Variants in DEPDC1B observed in about 807,000 individuals in gnomAD.
The protein encoded by DEPDC1B is DEP domain-containing protein 1B.
In DEPDC1B, 51 loss-of-function variants were observed where a neutral mutation model predicts 66.5. The ratio of observed to expected loss-of-function variants is 0.77; its 90% CI spans 0.61 to 0.97. DEPDC1B has a LOEUF of 0.97. Among genes scored for constraint, DEPDC1B ranks in the 50% least tolerant of loss-of-function variants. DEPDC1B has a pLI of 0.00. For missense variants in DEPDC1B, 552 were observed against 637.1 expected (o/e 0.87, Z 1.44); for synonymous variants, 226 against 223.6 (o/e 1.01, Z -0.10).
rs968558974 is a variant in DEPDC1B at position 60,616,593 on chromosome 5, A to T, written c.899-10737T>A. Among the ~76,000 whole-genome samples, 6 of 152,232 alleles carry T rather than the reference A, an allele frequency of 3.9e-5. No homozygotes were observed. The South Asian group carries it at 1.2e-3, about 32-fold the overall frequency. On this transcript the variant is annotated intron_variant, in intron 7 of 10. Transcript: ENST00000265036. ...GAAGCGAGAAGTTTACAGAAAAAAG[A>T]ATAAAAAGAAACGAACAAAGCCTCC...
chr5:60,697,860 T>C (rs1382662322), intron 1 of DEPDC1B, among the ~76,000 whole-genome samples: 8 of 152,204 alleles, frequency 5.3e-5, no homozygotes, highest in African/African-American at 1.2e-4. Flanking sequence ...TGAAGACTTC[T>C]AGAGAGCAGA....
intron 2 of DEPDC1B, among the ~76,000 whole-genome samples, chr5:60,662,280 C>G (rs1753733729): frequency 6.6e-6 from 1 of 152,076 alleles, no homozygotes; most frequent in Non-Finnish European, 1.5e-5. Context: ...CCCAGCTACT[C>G]CAGAGGCTGA....
At chr5:60,669,144 T>A (rs898616819) in intron 2 of DEPDC1B, among the ~76,000 whole-genome samples, 1 of 152,156 alleles carries the variant, frequency 6.6e-6, no homozygotes. Context: ...ACCAGAACTA[T>A]CCTCTGGTGA....
In DEPDC1B at chr5:60,603,054, A is replaced by C. The variant is rs568635325; in HGVS notation, c.1242+337T>G. On this transcript the variant is annotated intron_variant, in intron 9 of 10. Coordinates refer to ENST00000265036, the MANE Select transcript of DEPDC1B (RefSeq NM_018369.3). ...TTTTCATGCAAAAAGTGGGAATATT[A>C]AACTAGGTCACAGGGCAATTATGAA... Among the ~76,000 whole-genome samples the C allele has an allele frequency of 2.0e-5, 3 of 152,344 alleles. No homozygotes were observed. In the South Asian group the frequency reaches 6.2e-4, roughly 32 times the overall value.
chr5:60,626,816 T>C (rs1350631105), intron 7 of DEPDC1B, among the ~76,000 whole-genome samples: 1 of 152,032 alleles, frequency 6.6e-6, no homozygotes, highest in Non-Finnish European at 1.5e-5. Context: ...TTGTATAACA[T>C]CCAGAAATAC....
In DEPDC1B at chr5:60,629,359, T is replaced by C. The variant is rs546203068; in HGVS notation, c.898+9391A>G. On this transcript the variant is annotated intron_variant, in intron 7 of 10. Transcript: ENST00000265036. ...GATTTCATTTTCTTAAAATGTATAT[T>C]CAGTGGTGGGATTACTACAGCAAAT... Among the ~76,000 whole-genome samples the C allele has an allele frequency of 3.9e-5, 6 of 152,346 alleles. No individual in the cohort carries two copies. The South Asian group carries it at 1.2e-3, about 32-fold the overall frequency.
At chr5:60,613,508 A>T (rs1665941784) in intron 7 of DEPDC1B, among the ~76,000 whole-genome samples, 1 of 152,234 alleles carries the variant, frequency 6.6e-6, no homozygotes, top group South Asian at 2.1e-4. Flanking sequence ...CTGGAGAAGA[A>T]GATGAACGAA....
intron 6 of DEPDC1B, among the ~76,000 whole-genome samples, chr5:60,640,517 T>G (rs1335085764): frequency 6.6e-6 from 1 of 152,228 alleles, no homozygotes; most frequent in African/African-American, 2.4e-5. Flanking sequence ...TAAATGTTAT[T>G]CCTGACAGAT....
intron 2 of DEPDC1B, among the ~76,000 whole-genome samples, chr5:60,663,693 T>A (rs1455089909): frequency 6.6e-6 from 1 of 152,202 alleles, no homozygotes; most frequent in Non-Finnish European, 1.5e-5. Flanking sequence ...TTGAGCCAGT[T>A]CTCATACTTG....
chr5:60,620,224 G>A (rs1370201675), intron 7 of DEPDC1B, among the ~76,000 whole-genome samples: 1 of 152,100 alleles, frequency 6.6e-6, no homozygotes, highest in East Asian at 1.9e-4. Flanking sequence ...CAGGACATAG[G>A]CATGGGCAAG....
rs1453876140 is a variant in DEPDC1B at position 60,687,042 on chromosome 5, T to C, written c.234A>G (p.Lys78=). ...CTTCAATAACGTGATTCTTCAGGAATTTTTTTAGCAGCTGGACCGTTTGTT... is the reference window on the plus strand; with the variant it reads ...CTTCAATAACGTGATTCTTCAGGAACTTTTTTAGCAGCTGGACCGTTTGTT... ...TRKQTVQLLK[K]FLKNHVIEDI... Residue 78 remains lysine (K), a synonymous_variant, in exon 2 of 11, where the codon AAA becomes AAG. Coordinates refer to ENST00000265036, the MANE Select transcript of DEPDC1B (RefSeq NM_018369.3). 2 of 1,614,106 alleles carry C rather than the reference T, an allele frequency of 1.2e-6. No homozygotes were observed. The highest frequency in any genetic ancestry group is 2.2e-5 in the East Asian group (1 of 44,904).
At chr5:60,617,019 T>C (rs1243148514) in intron 7 of DEPDC1B, among the ~76,000 whole-genome samples, 1 of 152,138 alleles carries the variant, frequency 6.6e-6, no homozygotes, top group Non-Finnish European at 1.5e-5. Flanking sequence ...AACCCAGAAT[T>C]TCATATCCAG....
chr5:60,675,646 TACGG>T (rs1468732286), intron 2 of DEPDC1B, among the ~76,000 whole-genome samples: 9 of 152,244 alleles, frequency 5.9e-5, no homozygotes, highest in Admixed American at 1.3e-4. Context: ...AAACAAAGCT[TACGG>T]ACTACATACA....
chr5:60,621,443 G>A (rs1425148872), intron 7 of DEPDC1B, among the ~76,000 whole-genome samples: 2 of 151,718 alleles, frequency 1.3e-5, no homozygotes, highest in African/African-American at 2.4e-5. Flanking sequence ...CTATCGCAGG[G>A]ACAAAAAACC....
chr5:60,656,742 A>T (rs112166795), intron 2 of DEPDC1B, among the ~76,000 whole-genome samples: 1 of 152,102 alleles, frequency 6.6e-6, no homozygotes, highest in Non-Finnish European at 1.5e-5. Context: ...AAACCATCAG[A>T]TCTCATGAGA....
Position 60,605,867 on chromosome 5 carries a change from A to G in DEPDC1B, c.899-11T>C. ...CCTTCTGTAACAAACCTGATTTAGA[A>G]AAAAAAAAATGTTATCTTTCAACAC... On this transcript the variant is annotated splice_polypyrimidine_tract_variant and intron_variant, in intron 7 of 10. Coordinates refer to ENST00000265036, the MANE Select transcript of DEPDC1B (RefSeq NM_018369.3). 1.3e-6 allele frequency: 2 copies of G among 1,583,150 alleles called. No homozygotes were observed. Among genetic ancestry groups the G allele is most frequent in the Non-Finnish European group, 1.7e-6 (2 of 1,163,386 alleles).
At chr5:60,628,709 C>T (rs549617930) in intron 7 of DEPDC1B, 3 of 152,284 alleles carry the variant, frequency 2.0e-5, no homozygotes, top group South Asian at 4.1e-4. Flanking sequence ...CATCCATGCA[C>T]GTGATGATGC....
At chr5:60,610,272 TG>T (rs1406746262) in intron 7 of DEPDC1B, among the ~76,000 whole-genome samples, 12 of 152,174 alleles carry the variant, frequency 7.9e-5, no homozygotes, top group Admixed American at 7.9e-4. Context: ...AATCAGAAAA[TG>T]GTGTCAATAG....
intron 1 of DEPDC1B, among the ~76,000 whole-genome samples, chr5:60,695,662 T>C (rs1371573693): frequency 4.6e-5 from 7 of 152,224 alleles, no homozygotes; most frequent in African/African-American, 1.4e-4. Flanking sequence ...CACTTCTTGA[T>C]TGTTTCTATC....
Sources: gnomAD v4.1 joint callset for allele counts (sites outside exome capture counted in the v4.1 genomes callset) on GRCh38, gnomAD v4.1.1 for gene constraint, MANE v1.5 for transcripts, NCBI Gene and HGNC (gene_info 2026-07-23, HGNC 2026-07-21) for gene names.